Variants in AGAP1 observed in about 807,000 individuals in gnomAD.
The protein encoded by AGAP1 is arf-GAP with GTPase, ANK repeat and PH domain-containing protein 1.
A neutral mutation model predicts 105.3 loss-of-function variants in AGAP1; 29 were observed. The observed-to-expected ratio is 0.28, with a 90% CI of 0.21 to 0.38. AGAP1 has a LOEUF of 0.38. Among genes scored for constraint, AGAP1 ranks in the 10% least tolerant of loss-of-function variants. AGAP1 has a pLI of 1.00. For synonymous variants in AGAP1, 509 were observed against 485.9 expected (o/e 1.05, Z -0.63); for missense variants, 998 against 1,165.1 (o/e 0.86, Z 2.09).
rs147678888 is a variant in AGAP1, at chr2:235,711,847, G to A, written c.222+2610G>A. Among the ~76,000 whole-genome samples, 355 of 152,250 alleles carry A rather than the reference G, an allele frequency of 2.3e-3. 4 individuals are homozygous for A. Among genetic ancestry groups the A allele is most frequent in the East Asian group, 0.021 (108 of 5,166 alleles). On this transcript the variant is annotated intron_variant, in intron 2 of 17. Coordinates refer to ENST00000304032, the MANE Select transcript of AGAP1 (RefSeq NM_001037131.3). ...AGGACAGGTGGCACTTTAGGTCAGC[G>A]TCTCAGGAACCCAGCCCCTGCTTCA...
intron 6 of AGAP1, among the ~76,000 whole-genome samples, chr2:235,774,645 G>A (rs890665821): frequency 3.9e-5 from 6 of 152,206 alleles, no homozygotes; most frequent in Non-Finnish European, 8.8e-5. Flanking sequence ...TAGGCTGCTC[G>A]CAATTACCCT....
intron 1 of AGAP1, among the ~76,000 whole-genome samples, chr2:235,688,938 C>T (rs974023507): frequency 4.6e-5 from 7 of 152,148 alleles, no homozygotes; most frequent in African/African-American, 9.7e-5. Flanking sequence ...CAGCAGCAGC[C>T]GCACCCGTGT....
chr2:235,713,442 G>A (rs1950948735), intron 2 of AGAP1, among the ~76,000 whole-genome samples: 1 of 152,224 alleles, frequency 6.6e-6, no homozygotes, highest in Non-Finnish European at 1.5e-5. Context: ...CACCAGCAGT[G>A]CAGTCATGCA....
intron 1 of AGAP1, among the ~76,000 whole-genome samples, chr2:235,671,981 C>T (rs984813810): frequency 7.2e-5 from 11 of 152,088 alleles, no homozygotes; most frequent in Admixed American, 5.2e-4. Flanking sequence ...ACACCTTATT[C>T]TCCTGGGAGG....
rs561009782 is a variant in AGAP1, at chr2:235,691,767, C to T, written c.164-17412C>T. ...CCTTCCCTGTCCTGAGTGTGACCTCCGTCATGTTGACCCCTGCACTCCTGC... is the reference window on the plus strand; with the variant it reads ...CCTTCCCTGTCCTGAGTGTGACCTCTGTCATGTTGACCCCTGCACTCCTGC... On this transcript the variant is annotated intron_variant, in intron 1 of 17. Coordinates refer to ENST00000304032, the MANE Select transcript of AGAP1 (RefSeq NM_001037131.3). The surrounding 1 kb of genome is among the most constrained non-coding windows in gnomAD (Gnocchi z 4.4). Among the ~76,000 whole-genome samples, 36 of 152,312 alleles carry T rather than the reference C, an allele frequency of 2.4e-4. No homozygotes were observed. Among genetic ancestry groups the T allele is most frequent in the African/African-American group, 8.2e-4 (34 of 41,558 alleles).
intron 4 of AGAP1, among the ~76,000 whole-genome samples, chr2:235,743,099 G>A (rs966107946): frequency 2.0e-5 from 3 of 152,216 alleles, no homozygotes; most frequent in African/African-American, 7.2e-5. Context: ...CCCAGAAGGA[G>A]GTGGTTGCAG....
chr2:236,039,535 C>G (rs1226944677), intron 14 of AGAP1, among the ~76,000 whole-genome samples: 1 of 152,118 alleles, frequency 6.6e-6, no homozygotes, highest in Non-Finnish European at 1.5e-5. Context: ...TGAGTGTGTA[C>G]CAAGACTTAG....
intron 6 of AGAP1, among the ~76,000 whole-genome samples, chr2:235,756,492 G>A (rs971384325): frequency 5.3e-5 from 8 of 152,022 alleles, no homozygotes; most frequent in Admixed American, 3.3e-4. Flanking sequence ...ACAAAGAATT[G>A]TTTTCATTTC....
chr2:235,595,920 A>G (rs1447907358), intron 1 of AGAP1, among the ~76,000 whole-genome samples: 1 of 152,256 alleles, frequency 6.6e-6, no homozygotes, highest in African/African-American at 2.4e-5. Context: ...ATGATGGAGA[A>G]GCACAAGGTC....
In AGAP1 at chr2:236,038,778, A is replaced by G. The variant is rs539817844; in HGVS notation, c.1801-1973A>G. Among the ~76,000 whole-genome samples the G allele has an allele frequency of 2.6e-5, 4 of 151,874 alleles. No homozygotes were observed. The highest frequency in any genetic ancestry group is 4.4e-5 in the Non-Finnish European group (3 of 67,982). Reference sequence around the variant, plus strand: ...ACAGACAAACCAACCAACCACAGAAATGATACAGGTACACAGAGAGACAGA... The same window carrying G: ...ACAGACAAACCAACCAACCACAGAAGTGATACAGGTACACAGAGAGACAGA... On this transcript the variant is annotated intron_variant, in intron 14 of 17. Coordinates refer to ENST00000304032, the MANE Select transcript of AGAP1 (RefSeq NM_001037131.3). This position sits in a 1 kb window ranked among gnomAD's most constrained non-coding sequence, Gnocchi z 4.5.
At chr2:235,825,947 G>A (rs1351279898) in intron 9 of AGAP1, among the ~76,000 whole-genome samples, 1 of 151,998 alleles carries the variant, frequency 6.6e-6, no homozygotes, top group African/African-American at 2.4e-5. Context: ...TTGCATGCCT[G>A]TATCAAAACA....
At chr2:235,841,216 C>T (rs1384988960) in intron 9 of AGAP1, among the ~76,000 whole-genome samples, 1 of 152,074 alleles carries the variant, frequency 6.6e-6, no homozygotes, top group Non-Finnish European at 1.5e-5. Context: ...AGGAACAGGT[C>T]TAGAAGTTAT....
chr2:235,601,126 G>A lies in AGAP1; in HGVS notation c.163+106277G>A, dbSNP rs530709618. On this transcript the variant is annotated intron_variant, in intron 1 of 17. Transcript: ENST00000304032. This position sits in a 1 kb window ranked among gnomAD's most constrained non-coding sequence, Gnocchi z 4.4. ...CCACTGTGTTAGCTTGGGCTGCCAC[G>A]ACAGAGACCACAGAGTGGGTGGCTT... Among the ~76,000 whole-genome samples, 1 of 152,196 alleles carries A rather than the reference G, an allele frequency of 6.6e-6. No individual in the cohort carries two copies. The highest frequency in any genetic ancestry group is 2.4e-5 in the African/African-American group (1 of 41,446).
chr2:235,974,065 G>C lies in AGAP1; in HGVS notation c.1645+5442G>C, dbSNP rs114715296. The stretch of plus-strand genomic sequence containing the variant: ...AGTCCCATTCTGTGGCCCCGAACCT[G>C]GTGGTTCTCGTTAGTTTTATAACAT... On this transcript the variant is annotated intron_variant, in intron 13 of 17. Transcript: ENST00000304032. Among the ~76,000 whole-genome samples, 1,186 of 152,304 alleles carry C rather than the reference G, an allele frequency of 7.8e-3. 8 individuals are homozygous for C. Among genetic ancestry groups the C allele is most frequent in the African/African-American group, 0.018 (735 of 41,570 alleles).
intron 11 of AGAP1, among the ~76,000 whole-genome samples, chr2:235,921,707 A>G (rs1375699295): frequency 6.6e-6 from 1 of 152,246 alleles, no homozygotes; most frequent in African/African-American, 2.4e-5. Flanking sequence ...AACAAAAGGT[A>G]TCAAGAAACA....
chr2:235,550,703 A>G lies in AGAP1; in HGVS notation c.163+55854A>G. On this transcript the variant is annotated intron_variant, in intron 1 of 17. Coordinates refer to ENST00000304032, the MANE Select transcript of AGAP1 (RefSeq NM_001037131.3). The surrounding 1 kb of genome is among the most constrained non-coding windows in gnomAD (Gnocchi z 4.6). The stretch of plus-strand genomic sequence containing the variant: ...GATCTCCGGGCATGATGCGGAATGT[A>G]GTGACGATCGCAAATCCTTCCTGTG... Among the ~76,000 whole-genome samples the G allele has an allele frequency of 6.6e-6, 1 of 152,216 alleles. No homozygotes were observed. Among genetic ancestry groups the G allele is most frequent in the Non-Finnish European group, 1.5e-5 (1 of 68,032 alleles).
rs185116297 is a variant in AGAP1 at position 235,985,018 on chromosome 2, G to C, written c.1645+16395G>C. Among the ~76,000 whole-genome samples the C allele has an allele frequency of 5.4e-3, 822 of 152,250 alleles. 4 individuals carry two copies. Among genetic ancestry groups the C allele is most frequent in the African/African-American group, 0.019 (773 of 41,548 alleles). On this transcript the variant is annotated intron_variant, in intron 13 of 17. Coordinates refer to ENST00000304032, the MANE Select transcript of AGAP1 (RefSeq NM_001037131.3). ...GTATTTCTGGCTCTAGATCCTTGAG[G>C]AATCGCCATACTGTCTTCCGCAATG...
rs1575145468 is a variant in AGAP1, at chr2:235,692,965, G to A, written c.164-16214G>A. On this transcript the variant is annotated intron_variant, in intron 1 of 17. Coordinates refer to ENST00000304032, the MANE Select transcript of AGAP1 (RefSeq NM_001037131.3). The surrounding 1 kb of genome is among the most constrained non-coding windows in gnomAD (Gnocchi z 5.8). ...GTGGAGTTGGCAGGTACTGTGCATG[G>A]GAGAGGGAGTGTGGCCTGCAGGCCA... Among the ~76,000 whole-genome samples, 9 of 152,256 alleles carry A rather than the reference G, an allele frequency of 5.9e-5. No individual in the cohort carries two copies. In the South Asian group the frequency reaches 1.9e-3, roughly 32 times the overall value.
Position 235,741,367 on chromosome 2 carries a change from T to A in AGAP1, c.396+319T>A, listed in dbSNP as rs2149663938. Among the ~76,000 whole-genome samples, 2 of 152,320 alleles carry A rather than the reference T, an allele frequency of 1.3e-5. No homozygotes were observed. The highest frequency in any genetic ancestry group is 4.1e-4 in the South Asian group (2 of 4,828). ...ATGACATCTGGAAATTTCTGTCGTT[T>A]GGTTTGTTTTTTGGCCTTTTCCTTT... On this transcript the variant is annotated intron_variant, in intron 4 of 17. Coordinates refer to ENST00000304032, the MANE Select transcript of AGAP1 (RefSeq NM_001037131.3). The surrounding 1 kb of genome is among the most constrained non-coding windows in gnomAD (Gnocchi z 4.9).
Sources: gnomAD v4.1 joint callset for allele counts (sites outside exome capture counted in the v4.1 genomes callset) on GRCh38, gnomAD v4.1.1 for gene constraint, Gnocchi (gnomAD v3.1) non-coding constraint, MANE v1.5 for transcripts, NCBI Gene and HGNC (gene_info 2026-07-23, HGNC 2026-07-21) for gene names.